CHRM2: variants seen among roughly 807,000 people sequenced by gnomAD.
CHRM2 encodes muscarinic acetylcholine receptor M2.
A neutral mutation model predicts 25.0 loss-of-function variants in CHRM2; 8 were observed. The observed-to-expected ratio is 0.32, with a 90% CI of 0.19 to 0.58. CHRM2 has a LOEUF of 0.58. Among genes scored for constraint, CHRM2 ranks in the 20% least tolerant of loss-of-function variants. The pLI, the probability that CHRM2 is intolerant of heterozygous loss-of-function variation, is 0.88. For missense variants in CHRM2, 440 were observed against 567.1 expected (o/e 0.78, Z 2.28); for synonymous variants, 202 against 205.7 (o/e 0.98, Z 0.15).
chr7:137,014,981 T>A lies in CHRM2; in HGVS notation c.116T>A (p.Ile39Asn). 1 of 1,613,326 alleles carries A rather than the reference T, an allele frequency of 6.2e-7. No individual in the cohort carries two copies. The highest frequency in any genetic ancestry group is 8.5e-7 in the Non-Finnish European group (1 of 1,179,558). The change falls in exon 4 of 4, where the codon ATC (isoleucine) becomes AAC (asparagine). Residue 39 changes from isoleucine (I) to asparagine (N), a missense_variant. By Grantham distance (149) the Ile-to-Asn change is moderately radical. This residue lies in a region of CHRM2 where 86 missense variants were observed against 124.9 expected (regional missense o/e 0.69). Transcript: ENST00000680005. The part of the protein sequence containing the change: ...VAGSLSLVTI[I>N]GNILVMVSIK... Reference sequence around the variant, plus strand: ...GGATCCCTCAGTTTGGTGACCATTATCGGGAACATCCTAGTCATGGTTTCC... The same window carrying A: ...GGATCCCTCAGTTTGGTGACCATTAACGGGAACATCCTAGTCATGGTTTCC...
intron 2 of CHRM2, among the ~76,000 whole-genome samples, chr7:136,921,633 T>C (rs1031973413): frequency 6.6e-6 from 1 of 152,060 alleles, no homozygotes; most frequent in Non-Finnish European, 1.5e-5. Flanking sequence ...TTGCTATTAC[T>C]TCACATTACT....
chr7:136,942,301 A>T (rs1799819691), intron 2 of CHRM2, among the ~76,000 whole-genome samples: 1 of 152,138 alleles, frequency 6.6e-6, no homozygotes, highest in Non-Finnish European at 1.5e-5. Context: ...AAACCACAGC[A>T]AATGTTTTCT....
chr7:137,006,998 C>A (rs1386515199), intron 3 of CHRM2, among the ~76,000 whole-genome samples: 2 of 151,956 alleles, frequency 1.3e-5, no homozygotes, highest in Non-Finnish European at 1.5e-5. Flanking sequence ...TTTGTACTTT[C>A]TTTAGAAGAA....
chr7:136,952,913 C>CT (rs1344406689), intron 2 of CHRM2, among the ~76,000 whole-genome samples: 5 of 152,084 alleles, frequency 3.3e-5, no homozygotes, highest in African/African-American at 7.2e-5. Flanking sequence ...TGATCTCGTT[C>CT]TTTTTTATGG....
intron 2 of CHRM2, among the ~76,000 whole-genome samples, chr7:136,977,800 A>G (rs1305806042): frequency 6.6e-6 from 1 of 152,180 alleles, no homozygotes; most frequent in Non-Finnish European, 1.5e-5. Context: ...CCTACCCATA[A>G]ATTCTTTACC....
intron 2 of CHRM2, among the ~76,000 whole-genome samples, chr7:136,976,894 C>T (rs1056774648): frequency 1.1e-4 from 16 of 152,170 alleles, no homozygotes; most frequent in African/African-American, 4.8e-5. Context: ...TATTTGCTTT[C>T]CCTGAGGGAC....
chr7:136,915,443 T>A lies in CHRM2; in HGVS notation c.-125+46025T>A, dbSNP rs921183029. ...ACTAATTTACCTTCCTTGAATTGAC[T>A]GATAGGTTTTAATTGAAGTGATCAG... On this transcript the variant is annotated intron_variant, in intron 2 of 3. Transcript: ENST00000680005. Among the ~76,000 whole-genome samples, 7 of 151,876 alleles carry A rather than the reference T, an allele frequency of 4.6e-5. 1 individual carries two copies. The highest frequency in any genetic ancestry group is 1.7e-4 in the African/African-American group (7 of 41,404).
At chr7:136,878,996 T>G (rs1433113306) in intron 2 of CHRM2, among the ~76,000 whole-genome samples, 1 of 151,888 alleles carries the variant, frequency 6.6e-6, no homozygotes, top group East Asian at 1.9e-4. Context: ...AATGAAGTCA[T>G]GAAAACAGAC....
rs941674447 is a variant in CHRM2, at chr7:137,017,078, G to A, written c.*812G>A. On this transcript the variant is annotated 3_prime_UTR_variant, in exon 4 of 4. Coordinates refer to ENST00000680005, the MANE Select transcript of CHRM2 (RefSeq NM_001006630.2). ...ATATCAAGGTCTATAAGGATTTAGT[G>A]CACTTATAATCCTATATGCGAAATG... 6.4e-6 allele frequency: 1 copy of A among 157,432 alleles called. No homozygotes were observed. The highest frequency in any genetic ancestry group is 1.5e-5 in the Non-Finnish European group (1 of 67,964). 9.8% of individuals were successfully genotyped at this position (157,432 alleles called of 1,614,324 possible).
intron 2 of CHRM2, among the ~76,000 whole-genome samples, chr7:136,964,987 A>T (rs1801321462): frequency 6.6e-6 from 1 of 152,164 alleles, no homozygotes; most frequent in South Asian, 2.1e-4. Context: ...TTGAGAACTC[A>T]TCACTGACAT....
chr7:136,980,972 G>A (rs527356532), intron 2 of CHRM2, among the ~76,000 whole-genome samples: 23 of 152,216 alleles, frequency 1.5e-4, no homozygotes, highest in African/African-American at 5.3e-4. Flanking sequence ...GAGTTACGGA[G>A]GACTCCCTCT....
intron 2 of CHRM2, among the ~76,000 whole-genome samples, chr7:136,965,555 C>T (rs1801361567): frequency 6.6e-6 from 1 of 151,816 alleles, no homozygotes. Context: ...TCCAGATACT[C>T]TAAAAGAGAA....
At chr7:136,906,685 G>A (rs1797570759) in intron 2 of CHRM2, among the ~76,000 whole-genome samples, 1 of 151,304 alleles carries the variant, frequency 6.6e-6, no homozygotes, top group East Asian at 1.9e-4. Flanking sequence ...GCATATCTAG[G>A]TATATATTTC....
intron 2 of CHRM2, among the ~76,000 whole-genome samples, chr7:136,985,814 G>A (rs547423755): frequency 2.0e-5 from 3 of 152,210 alleles, no homozygotes; most frequent in African/African-American, 7.2e-5. Context: ...TCACTCACTG[G>A]CAAGACCTCT....
chr7:136,910,448 C>T (rs1376561720), intron 2 of CHRM2, among the ~76,000 whole-genome samples: 1 of 151,752 alleles, frequency 6.6e-6, no homozygotes, highest in Non-Finnish European at 1.5e-5. Context: ...AACTTTAAGG[C>T]CCTTATATGA....
Position 137,015,472 on chromosome 7 carries a change from A to G in CHRM2, c.607A>G (p.Thr203Ala), listed in dbSNP as rs1805109326. ...AAFYLPVIIM[T>A]VLYWHISRAS... ...CTTCTATTTGCCAGTGATCATCATG[A>G]CTGTGCTATATTGGCACATATCCCG... Residue 203 changes from threonine to alanine, a missense_variant, in exon 4 of 4, where the codon ACT becomes GCT. Physicochemically the swap from Thr to Ala is moderately conservative, Grantham distance 58. Coordinates refer to ENST00000680005, the MANE Select transcript of CHRM2 (RefSeq NM_001006630.2). The surrounding 1 kb of genome is among the most constrained non-coding windows in gnomAD (Gnocchi z 5.1). The G allele has an allele frequency of 1.2e-6, 2 of 1,613,230 alleles. No individual in the cohort carries two copies. The highest frequency in any genetic ancestry group is 2.7e-5 in the African/African-American group (2 of 74,846).
At chr7:136,892,043 T>A (rs988732236) in intron 2 of CHRM2, among the ~76,000 whole-genome samples, 6 of 152,202 alleles carry the variant, frequency 3.9e-5, no homozygotes, top group African/African-American at 1.4e-4. Context: ...ATAGTATCTG[T>A]TACACAGCAG....
intron 2 of CHRM2, among the ~76,000 whole-genome samples, chr7:136,905,590 C>G (rs1287582975): frequency 6.6e-6 from 1 of 151,566 alleles, no homozygotes; most frequent in Non-Finnish European, 1.5e-5. Context: ...TTTAGTTTGC[C>G]TAAAAGAATT....
chr7:136,951,741 G>A (rs1038612316), intron 2 of CHRM2, among the ~76,000 whole-genome samples: 4 of 152,158 alleles, frequency 2.6e-5, no homozygotes, highest in South Asian at 2.1e-4. Flanking sequence ...CTCCACATTC[G>A]TCACTGTAAG....
Sources: allele counts gnomAD v4.1 joint callset (sites outside exome capture counted in the v4.1 genomes callset), GRCh38; gene constraint gnomAD v4.1.1; regional missense constraint gnomAD v4.1.1; non-coding constraint Gnocchi (gnomAD v3.1); transcripts MANE v1.5; gene names NCBI Gene and HGNC (gene_info 2026-07-23, HGNC 2026-07-21).